Variants in C3orf49 observed in about 807,000 individuals in gnomAD.
C3orf49 encodes the protein chromosome 3 open reading frame 49.
A neutral mutation model predicts 13.3 loss-of-function variants in C3orf49; 27 were observed. The ratio of observed to expected loss-of-function variants is 2.02; its 90% CI spans 1.49 to 2.79. The LOEUF is 2.79. C3orf49 is among the 30% of genes most tolerant of loss of function. C3orf49 has a pLI of 0.00. For synonymous variants in C3orf49, 87 were observed against 47.6 expected (o/e 1.83, Z -3.40); for missense variants, 242 against 134.2 (o/e 1.80, Z -3.97).
the C3orf49 span, among the ~76,000 whole-genome samples, chr3:63,799,613 C>G: frequency 6.6e-6 from 1 of 152,070 alleles, no homozygotes; most frequent in Non-Finnish European, 1.5e-5. Flanking sequence ...ATTATAAAGC[C>G]TATCATTTGC....
chr3:63,836,312 A>T, intron 5 of C3orf49: 1 of 1,612,762 alleles, frequency 6.2e-7, no homozygotes, highest in South Asian at 1.1e-5. Context: ...TTAATGTCTC[A>T]TGCCTGTCTG....
Position 63,823,432 on chromosome 3 carries a change from C to T in C3orf49, c.308C>T (p.Ala103Val). The change falls in exon 2 of 7, where the codon GCA (alanine) becomes GTA (valine). Residue 103 changes from alanine (A) to valine (V), a missense_variant. Transcript: ENST00000295896. ...TCCTACAAGTATAGAAGCAAGCCAG[C>T]ATGTGCCAGCCAAGAGGGCTCCACT... ...MLSYKYRSKP[A>V]CASQEGSTDH... The T allele has an allele frequency of 1.4e-6, 1 of 703,250 alleles. No homozygotes were observed. The highest frequency in any genetic ancestry group is 2.6e-6 in the Non-Finnish European group (1 of 385,072). 43.6% of individuals were successfully genotyped at this position (703,250 alleles called of 1,614,324 possible).
chr3:63,786,928 G>T, the C3orf49 span, among the ~76,000 whole-genome samples: 1 of 152,124 alleles, frequency 6.6e-6, no homozygotes, highest in Non-Finnish European at 1.5e-5. Flanking sequence ...TCATCTAGGT[G>T]AGAATCAAAT....
chr3:63,819,093 T>G (rs1559597512), upstream of C3orf49, among the ~76,000 whole-genome samples: 1 of 151,648 alleles, frequency 6.6e-6, no homozygotes, highest in Non-Finnish European at 1.5e-5. Flanking sequence ...TGTGTGGGTG[T>G]TTTTTGTTGT....
the C3orf49 span, among the ~76,000 whole-genome samples, chr3:63,794,383 C>A: frequency 6.6e-6 from 1 of 151,928 alleles, no homozygotes; most frequent in South Asian, 2.1e-4. Flanking sequence ...TATTCATTTT[C>A]TCCTCTCTAT....
chr3:63,784,214 A>T, the C3orf49 span, among the ~76,000 whole-genome samples: 3 of 152,226 alleles, frequency 2.0e-5, no homozygotes, highest in Non-Finnish European at 4.4e-5. Flanking sequence ...GAGAAAAAGG[A>T]AAGATTTAGT....
chr3:63,805,115 C>T, the C3orf49 span: 1 of 152,118 alleles, frequency 6.6e-6, no homozygotes, highest in Non-Finnish European at 1.5e-5. Context: ...ACAGGATCTC[C>T]AACCAGAGAA....
upstream of C3orf49, among the ~76,000 whole-genome samples, chr3:63,816,635 C>T (rs897889541): frequency 6.6e-6 from 1 of 152,086 alleles, no homozygotes; most frequent in Admixed American, 6.6e-5. Context: ...CTCCCCATTG[C>T]TCTGAAGATC....
At chr3:63,810,400 G>A in the C3orf49 span, among the ~76,000 whole-genome samples, 1 of 152,202 alleles carries the variant, frequency 6.6e-6, no homozygotes, top group Admixed American at 6.5e-5. Flanking sequence ...ACTAAGAACA[G>A]TGTCTGTCCA....
At chr3:63,836,359 C>G in intron 5 of C3orf49, 1 of 1,611,672 alleles carries the variant, frequency 6.2e-7, no homozygotes. Flanking sequence ...GCATCATATT[C>G]TGTAAGACAT....
chr3:63,802,403 T>C, the C3orf49 span, among the ~76,000 whole-genome samples: 1 of 152,192 alleles, frequency 6.6e-6, no homozygotes, highest in Non-Finnish European at 1.5e-5. Context: ...AAACCCCAAA[T>C]AGAACAGTAT....
chr3:63,848,223 C>G (rs746533739), intron 6 of C3orf49, 141 bp from the exon 7 acceptor site: 1 of 152,158 alleles, frequency 6.6e-6, no homozygotes, highest in Non-Finnish European at 1.5e-5. Flanking sequence ...GATTAAGAGT[C>G]TGGCACCTTT....
At chr3:63,834,602 G>A (rs1358639401) in intron 5 of C3orf49, among the ~76,000 whole-genome samples, 1 of 151,670 alleles carries the variant, frequency 6.6e-6, no homozygotes, top group Non-Finnish European at 1.5e-5. Context: ...GAGGATTGCA[G>A]TGAGCCAAGA....
chr3:63,843,541 G>A (rs1427856720), intron 5 of C3orf49, among the ~76,000 whole-genome samples: 1 of 152,280 alleles, frequency 6.6e-6, no homozygotes, highest in East Asian at 1.9e-4. Flanking sequence ...AACGTTTATA[G>A]CAGCCTTATT....
chr3:63,816,896 C>CTGAGTA (rs982906191), upstream of C3orf49, among the ~76,000 whole-genome samples: 10 of 151,576 alleles, frequency 6.6e-5, no homozygotes, highest in African/African-American at 2.4e-4. Context: ...CCTCAACCTC[C>CTGAGTA]TGAGTAGCTG....
chr3:63,826,312 A>G (rs953760763), intron 2 of C3orf49, among the ~76,000 whole-genome samples: 2 of 152,174 alleles, frequency 1.3e-5, no homozygotes, highest in African/African-American at 4.8e-5. Context: ...GAAGAACAAT[A>G]AGCACCCATA....
the C3orf49 span, among the ~76,000 whole-genome samples, chr3:63,800,667 C>T: frequency 1.9e-3 from 283 of 152,196 alleles, 4 homozygotes; most frequent in African/African-American, 6.6e-3. Context: ...GAATAACTGG[C>T]TCAAGGTCAC....
At chr3:63,823,662 T>C in intron 2 of C3orf49, 93 bp downstream of exon 2, 2 of 611,178 alleles carry the variant, frequency 3.3e-6, no homozygotes, top group Non-Finnish European at 2.9e-6. Flanking sequence ...ATGGCATCCC[T>C]GAGGAGCTTG....
chr3:63,829,598 G>T (rs1276840215), intron 3 of C3orf49, among the ~76,000 whole-genome samples: 1 of 152,072 alleles, frequency 6.6e-6, no homozygotes, highest in African/African-American at 2.4e-5. Context: ...TCCATCAAAT[G>T]GTGTTAGATC....
Sources: gnomAD v4.1 joint callset for allele counts (sites outside exome capture counted in the v4.1 genomes callset) on GRCh38, gnomAD v4.1.1 for gene constraint, MANE v1.5 for transcripts, NCBI Gene and HGNC (gene_info 2026-07-23, HGNC 2026-07-21) for gene names.